The following DENND1B variants were observed in gnomAD, a reference collection of about 807,000 sequenced individuals.
DENND1B encodes DENN domain-containing protein 1B.
In DENND1B, 59 loss-of-function variants were observed where a neutral mutation model predicts 90.1. That is an observed-to-expected ratio of 0.65 (90% confidence interval 0.53 to 0.81). The LOEUF (loss-of-function observed/expected upper bound fraction) is 0.81. Ranked by LOEUF, DENND1B falls within the 40% of genes least tolerant of loss-of-function variation. The pLI is 0.00. For missense variants in DENND1B, 862 were observed against 912.6 expected (o/e 0.94, Z 0.71); for synonymous variants, 337 against 324.6 (o/e 1.04, Z -0.41).
intron 20 of DENND1B, among the ~76,000 whole-genome samples, chr1:197,529,238 A>ATGTG (rs1558205798): frequency 2.3e-4 from 2 of 8,872 alleles, no homozygotes; most frequent in African/African-American, 4.8e-4. Flanking sequence ...ATATATATAT[A>ATGTG]TATATGTGTG....
At chr1:197,663,856 G>A (rs774865697) in intron 5 of DENND1B, among the ~76,000 whole-genome samples, 16 of 151,930 alleles carry the variant, frequency 1.1e-4, no homozygotes, top group Non-Finnish European at 1.8e-4. Context: ...AAATCCTACC[G>A]ACTACTCACT....
At chr1:197,775,089 G>A (rs1053762660) in intron 1 of DENND1B, 50 bp downstream of exon 1, 15 of 1,203,314 alleles carry the variant, frequency 1.2e-5, no homozygotes, top group Non-Finnish European at 1.6e-5. Flanking sequence ...GGCCTGGGAG[G>A]GGCCGCCGAG....
chr1:197,646,412 TTACA>T (rs1282055673), intron 8 of DENND1B, among the ~76,000 whole-genome samples: 1 of 151,956 alleles, frequency 6.6e-6, no homozygotes, highest in Non-Finnish European at 1.5e-5. Flanking sequence ...ATCAGAATAC[TTACA>T]TAAAGAATAC....
chr1:197,527,312 G>GTTTTTTT (rs148417732), intron 20 of DENND1B, among the ~76,000 whole-genome samples: 1 of 140,932 alleles, frequency 7.1e-6, no homozygotes, highest in Non-Finnish European at 1.5e-5. Context: ...GTTTTTTTTT[G>GTTTTTTT]TTTTTGTTTT....
At chr1:197,589,193 T>C (rs929066636) in intron 14 of DENND1B, among the ~76,000 whole-genome samples, 2 of 152,124 alleles carry the variant, frequency 1.3e-5, no homozygotes, top group African/African-American at 2.4e-5. Flanking sequence ...CACTCTCCAT[T>C]CTCATAAAAC....
chr1:197,546,721 G>A lies in DENND1B; in HGVS notation c.1281+12C>T. The A allele has an allele frequency of 6.5e-7, 1 of 1,541,184 alleles. No individual in the cohort carries two copies. Among genetic ancestry groups the A allele is most frequent in the Non-Finnish European group, 8.7e-7 (1 of 1,144,028 alleles). On this transcript the variant is annotated intron_variant, in intron 17 of 22. Coordinates refer to ENST00000620048, the MANE Select transcript of DENND1B (RefSeq NM_001195215.2). ...TAGAGTGAAAGAATAACATTTGAAA[G>A]CTTATGATTACCTTGACTGTATGCA...
intron 2 of DENND1B, among the ~76,000 whole-genome samples, chr1:197,766,519 G>C (rs990703817): frequency 6.6e-6 from 1 of 152,088 alleles, no homozygotes; most frequent in Admixed American, 6.6e-5. Flanking sequence ...TGAGTTTTAA[G>C]GTAAATTCAC....
At chr1:197,620,994 G>A (rs530644492) in intron 10 of DENND1B, among the ~76,000 whole-genome samples, 18 of 151,380 alleles carry the variant, frequency 1.2e-4, no homozygotes, top group African/African-American at 3.4e-4. Context: ...GAGTAAACTC[G>A]TGGATTTGGG....
chr1:197,699,045 T>C (rs1323647394), intron 3 of DENND1B, among the ~76,000 whole-genome samples: 2 of 152,094 alleles, frequency 1.3e-5, no homozygotes, highest in African/African-American at 4.8e-5. Flanking sequence ...GAGGGACACC[T>C]CCCTAACTCA....
chr1:197,621,124 T>C (rs904352855), intron 10 of DENND1B, among the ~76,000 whole-genome samples: 1 of 151,220 alleles, frequency 6.6e-6, no homozygotes, highest in Non-Finnish European at 1.5e-5. Context: ...AGTGGGAGAA[T>C]GGCAGGAGAT....
chr1:197,590,729 A>ATTT (rs1348543940), intron 14 of DENND1B, among the ~76,000 whole-genome samples: 1 of 152,098 alleles, frequency 6.6e-6, no homozygotes, highest in Non-Finnish European at 1.5e-5. Flanking sequence ...CCTAGTGGGT[A>ATTT]TTTTTCTCAT....
intron 20 of DENND1B, among the ~76,000 whole-genome samples, chr1:197,525,137 G>A (rs893352618): frequency 2.0e-5 from 3 of 152,074 alleles, no homozygotes; most frequent in Admixed American, 2.0e-4. Flanking sequence ...TTATTCACCT[G>A]TGTTTATATG....
chr1:197,523,442 C>T (rs1210884519), intron 20 of DENND1B, among the ~76,000 whole-genome samples: 8 of 152,078 alleles, frequency 5.3e-5, no homozygotes, highest in African/African-American at 1.4e-4. Context: ...TCCTAAGGCA[C>T]GGGGGCGCAT....
intron 15 of DENND1B, among the ~76,000 whole-genome samples, chr1:197,572,373 C>T (rs1158687528): frequency 2.0e-5 from 3 of 152,126 alleles, no homozygotes; most frequent in African/African-American, 4.8e-5. Context: ...GAGGGGCGTC[C>T]GCCATTGCTG....
At chr1:197,706,317 C>T (rs896378324) in intron 3 of DENND1B, among the ~76,000 whole-genome samples, 2 of 152,086 alleles carry the variant, frequency 1.3e-5, no homozygotes, top group East Asian at 1.9e-4. Flanking sequence ...TGGAATAATG[C>T]GTGAAGCTAG....
At chr1:197,750,816 T>C (rs1287978897) in intron 2 of DENND1B, among the ~76,000 whole-genome samples, 2 of 152,096 alleles carry the variant, frequency 1.3e-5, no homozygotes, top group Non-Finnish European at 1.5e-5. Context: ...AATTTCTCTG[T>C]CAGAGAAAAA....
Position 197,739,515 on chromosome 1 carries a change from A to T in DENND1B, c.83-24441T>A, listed in dbSNP as rs1264074398. 2.6e-5 allele frequency among the ~76,000 whole-genome samples: 4 copies of T among 152,216 alleles called. No individual in the cohort carries two copies. In the East Asian group the frequency reaches 7.7e-4, roughly 29 times the overall value. On this transcript the variant is annotated intron_variant, in intron 2 of 22. Coordinates refer to ENST00000620048, the MANE Select transcript of DENND1B (RefSeq NM_001195215.2). ...CCCAAATATTTGTAACTTAAATAAC[A>T]TACTTCTAAATAACCCAACGGTCAA...
At chr1:197,779,546 A>C (rs1657378033), upstream of DENND1B, among the ~76,000 whole-genome samples, 1 of 152,002 alleles carries the variant, frequency 6.6e-6, no homozygotes. Context: ...TGTTTGTCAA[A>C]CATCTCTTTT....
chr1:197,623,476 A>T (rs901029570), intron 10 of DENND1B, among the ~76,000 whole-genome samples: 1 of 151,560 alleles, frequency 6.6e-6, no homozygotes, highest in African/African-American at 2.4e-5. Flanking sequence ...AGTCTCACTT[A>T]AGAAAAACTC....
Sources: gnomAD v4.1 joint callset for allele counts (sites outside exome capture counted in the v4.1 genomes callset) on GRCh38, gnomAD v4.1.1 for gene constraint, MANE v1.5 for transcripts, NCBI Gene and HGNC (gene_info 2026-07-23, HGNC 2026-07-21) for gene names.